CCDC112: variants seen among roughly 807,000 people sequenced by gnomAD.
The protein encoded by CCDC112 is coiled-coil domain containing 112.
CCDC112 carries 40 observed loss-of-function variants against 66.3 expected under a neutral mutation model. The ratio of observed to expected loss-of-function variants is 0.60; its 90% CI spans 0.47 to 0.79. The LOEUF is 0.79. CCDC112 is among the 30% of genes least tolerant of loss of function. The pLI, the probability that CCDC112 is intolerant of heterozygous loss-of-function variation, is 0.00. For missense variants in CCDC112, 659 were observed against 603.8 expected, an observed-to-expected ratio of 1.09 and a Z score of -0.96; for synonymous variants, 214 against 197.2, an observed-to-expected ratio of 1.09 and a Z score of -0.71.
At chr5:115,279,811 AT>A (rs1163694985) in intron 2 of CCDC112, 43 bp from the exon 3 acceptor site, 3 of 1,069,032 alleles carry the variant, frequency 2.8e-6, no homozygotes, top group Non-Finnish European at 4.0e-6. Context: ...ATCTAAATAT[AT>A]TTTTAATAGT....
At chr5:115,279,891 ATTACT>A (rs894222618) in intron 2 of CCDC112, 123 bp from the exon 3 acceptor site, 5 of 607,502 alleles carry the variant, frequency 8.2e-6, no homozygotes, top group Non-Finnish European at 5.5e-6. Flanking sequence ...AATAAAAATA[ATTACT>A]TTGGTTAATA....
In CCDC112 at chr5:115,271,522, CTCT is replaced by C; in HGVS notation, c.1020_1022del (p.Glu341del). 16 of 1,611,402 alleles carry C rather than the reference CTCT, an allele frequency of 9.9e-6. No homozygotes were observed. Among genetic ancestry groups the C allele is most frequent in the Non-Finnish European group, 1.3e-5 (15 of 1,179,422 alleles). ...GTTCCTCTTTTTGCTTTTGATTATC[CTCT>C]TGTTTATTATGAAAAAGCACAGGTG... is the stretch of plus-strand genomic sequence containing the variant. On this transcript the variant is annotated inframe_deletion, in exon 7 of 10. Coordinates refer to ENST00000379611, the MANE Select transcript of CCDC112 (RefSeq NM_001040440.3).
rs114811200 is a variant in CCDC112 at position 115,282,866 on chromosome 5, G to A, written c.239+1921C>T. Reference sequence around the variant, plus strand: ...AAGATATTATAGATTGTGGTTTTTCGTTTGTGTTTATGTGAATTGTTAGAT... The same window carrying A: ...AAGATATTATAGATTGTGGTTTTTCATTTGTGTTTATGTGAATTGTTAGAT... On this transcript the variant is annotated intron_variant, in intron 2 of 9. Coordinates refer to ENST00000379611, the MANE Select transcript of CCDC112 (RefSeq NM_001040440.3). Among the ~76,000 whole-genome samples the A allele has an allele frequency of 3.9e-3, 595 of 151,994 alleles. 4 individuals carry two copies. The highest frequency in any genetic ancestry group is 0.014 in the African/African-American group (568 of 41,492).
At position 115,268,882 on chromosome 5, in the gene CCDC112, C is replaced by T. The variant is rs1011646731; in HGVS notation, c.1547G>A (p.Arg516Lys). Residue 516 changes from arginine (R) to lysine (K), a missense_variant and splice_region_variant, in exon 9 of 10, where the codon AGG becomes AAG. By Grantham distance (26) the Arg-to-Lys change is conservative. Transcript: ENST00000379611. ...GSGPLLHIPH[R>K]AIPTWRQGIQ... ...AACACCAATTCTAACTCTTTCTTAC[C>T]TATGTGGGATATGTAGAAGTGGCCC... The T allele has an allele frequency of 6.4e-7, 1 of 1,553,098 alleles. No homozygotes were observed. The highest frequency in any genetic ancestry group is 1.8e-5 in the Admixed American group (1 of 54,352).
rs565505146 is a variant in CCDC112 at position 115,281,324 on chromosome 5, G to A, written c.240-1556C>T. On this transcript the variant is annotated intron_variant, in intron 2 of 9. Transcript: ENST00000379611. ...CAGGCATGAGCCACCGCATCTGACC[G>A]CCCATAGAGAAAAATTTAATATTCA... Among the ~76,000 whole-genome samples, 16 of 152,134 alleles carry A rather than the reference G, an allele frequency of 1.1e-4. No individual in the cohort carries two copies. The South Asian group carries it at 1.7e-3, about 16-fold the overall frequency.
intron 2 of CCDC112, among the ~76,000 whole-genome samples, chr5:115,284,559 A>G (rs890118576): frequency 6.6e-6 from 1 of 152,180 alleles, no homozygotes; most frequent in African/African-American, 2.4e-5. Context: ...ACACAGATTC[A>G]AAATTGTAAA....
chr5:115,279,757 A>T lies in CCDC112; in HGVS notation c.251T>A (p.Met84Lys), dbSNP rs757117070. 8 of 1,492,848 alleles carry T rather than the reference A, an allele frequency of 5.4e-6. No individual in the cohort carries two copies. In the Admixed American group the frequency reaches 6.8e-5, roughly 13 times the overall value. The allele number at this position is 1,492,848 out of a possible 1,614,324, so 92.5% of individuals were successfully genotyped here. A position where few individuals can be genotyped will look rare whatever the true frequency, so the allele number is the denominator to read the frequency against. ...AEKFKNQVIN[M>K]EKDKHSHFYN... ...GAAATGACTGTGTTTATCTTTTTCC[A>T]TGTTAATTACTCTTTAGGAAAAGAA... is the stretch of plus-strand genomic sequence containing the variant. Residue 84 changes from methionine to lysine, a missense_variant, in exon 3 of 10, where the codon ATG becomes AAG. Physicochemically the swap from Met to Lys is moderately conservative, Grantham distance 95. Coordinates refer to ENST00000379611, the MANE Select transcript of CCDC112 (RefSeq NM_001040440.3).
chr5:115,268,992 G>C lies in CCDC112; in HGVS notation c.1437C>G (p.Asn479Lys). 6.3e-7 allele frequency: 1 copy of C among 1,576,226 alleles called. No individual in the cohort carries two copies. Among genetic ancestry groups the C allele is most frequent in the Non-Finnish European group, 8.6e-7 (1 of 1,158,766 alleles). ...GCCTAGAGGGATCTCTACTAACATT[G>C]TTTTCAACCTGTAATCAGAAGTAAA... The part of the protein sequence containing the change: ...RLAKLKEKVE[N>K]NVSRDPSRLY... Residue 479 changes from asparagine (N) to lysine (K), a missense_variant, in exon 9 of 10, where the codon AAC becomes AAG. Transcript: ENST00000379611.
At chr5:115,282,964 A>T (rs1304498697) in intron 2 of CCDC112, among the ~76,000 whole-genome samples, 1 of 152,122 alleles carries the variant, frequency 6.6e-6, no homozygotes, top group African/African-American at 2.4e-5. Context: ...ACAGATGAAG[A>T]AGCCTTCTCA....
rs529080593 is a variant in CCDC112, at chr5:115,283,729, T to C, written c.239+1058A>G. Among the ~76,000 whole-genome samples, 93 of 152,204 alleles carry C rather than the reference T, an allele frequency of 6.1e-4. 1 individual carries two copies. The highest frequency in any genetic ancestry group is 2.2e-3 in the African/African-American group (91 of 41,560). On this transcript the variant is annotated intron_variant, in intron 2 of 9. Transcript: ENST00000379611. Reference sequence around the variant, plus strand: ...AAAATTCTAACAGTACACTTTTTCATTGGTAGAATTTCTAAATATAGACCT... The same window carrying C: ...AAAATTCTAACAGTACACTTTTTCACTGGTAGAATTTCTAAATATAGACCT...
chr5:115,295,973 A>T, intron 1 of CCDC112: 7 of 986,892 alleles, frequency 7.1e-6, no homozygotes, highest in Non-Finnish European at 8.4e-6. Context: ...GCCTCCGACC[A>T]TCCCATATTG....
chr5:115,272,479 T>C (rs1474636295), intron 6 of CCDC112, among the ~76,000 whole-genome samples: 2 of 152,234 alleles, frequency 1.3e-5, no homozygotes, highest in Admixed American at 6.5e-5. Context: ...ATTTTGCTCA[T>C]CTATAAAATG....
intron 6 of CCDC112, among the ~76,000 whole-genome samples, chr5:115,274,237 G>A (rs947108763): frequency 2.6e-5 from 4 of 152,062 alleles, no homozygotes; most frequent in African/African-American, 2.4e-5. Flanking sequence ...GCATCTACCC[G>A]CTGGAAACCA....
intron 1 of CCDC112, among the ~76,000 whole-genome samples, chr5:115,288,861 T>C (rs1749798842): frequency 6.6e-6 from 1 of 152,220 alleles, no homozygotes; most frequent in Non-Finnish European, 1.5e-5. Flanking sequence ...TCCCTCCTTC[T>C]TAAAAATGTT....
At position 115,296,571 on chromosome 5, in the gene CCDC112, G is replaced by C. The variant is rs1750170080; in HGVS notation, c.-28C>G. The C allele has an allele frequency of 1.4e-6, 2 of 1,443,180 alleles. No individual in the cohort carries two copies. Among genetic ancestry groups the C allele is most frequent in the Non-Finnish European group, 1.8e-6 (2 of 1,101,870 alleles). The allele number at this position is 1,443,180 out of a possible 1,614,324, so 89.4% of individuals were successfully genotyped here. A position where few individuals can be genotyped will look rare whatever the true frequency, so the allele number is the denominator to read the frequency against. On this transcript the variant is annotated 5_prime_UTR_variant, in exon 1 of 10. Coordinates refer to ENST00000379611, the MANE Select transcript of CCDC112 (RefSeq NM_001040440.3). ...TTACCCGCCGAGCTACTCGGGCCGC[G>C]GCGGCCACCGGTGCCTGGGGATTCG... is the stretch of plus-strand genomic sequence containing the variant.
At chr5:115,272,367 G>C (rs1484358135) in intron 6 of CCDC112, among the ~76,000 whole-genome samples, 1 of 152,192 alleles carries the variant, frequency 6.6e-6, no homozygotes, top group Non-Finnish European at 1.5e-5. Context: ...GAGTAGGGTG[G>C]TTAAGAACAT....
intron 6 of CCDC112, 104 bp downstream of exon 6, chr5:115,275,112 A>T: frequency 2.3e-6 from 2 of 873,548 alleles, no homozygotes; most frequent in Non-Finnish European, 3.4e-6. Context: ...AACTATAAAC[A>T]CACTTCATGG....
At chr5:115,295,808 A>G (rs1750128713) in intron 1 of CCDC112, 2 of 786,660 alleles carry the variant, frequency 2.5e-6, no homozygotes, top group Non-Finnish European at 3.1e-6. Context: ...CTATGGGGAA[A>G]AATAAAACCA....
chr5:115,271,820 A>G lies in CCDC112; in HGVS notation c.919-194T>C, dbSNP rs115038156. On this transcript the variant is annotated intron_variant, in intron 6 of 9. Transcript: ENST00000379611. ...GTTTTTTAAAAATTGCTGTCTCTTA[A>G]AACTCTGAATAATGGGTCATCCTTT... Among the ~76,000 whole-genome samples, 228 of 152,014 alleles carry G rather than the reference A, an allele frequency of 1.5e-3. 2 individuals are homozygous for G. The highest frequency in any genetic ancestry group is 5.0e-3 in the African/African-American group (209 of 41,456).
Sources: allele counts gnomAD v4.1 joint callset (sites outside exome capture counted in the v4.1 genomes callset), GRCh38; gene constraint gnomAD v4.1.1; transcripts MANE v1.5; gene names NCBI Gene and HGNC (gene_info 2026-07-23, HGNC 2026-07-21).